Variants in DNAAF5 observed in about 807,000 individuals in gnomAD.
DNAAF5 encodes dynein axonemal assembly factor 5.
A neutral mutation model predicts 75.8 loss-of-function variants in DNAAF5; 64 were observed. The observed-to-expected ratio is 0.84, with a 90% CI of 0.69 to 1.04. The LOEUF (loss-of-function observed/expected upper bound fraction) is 1.04, where lower values mean the gene tolerates loss of function less well. DNAAF5 is among the 50% of genes least tolerant of loss of function. The pLI, the probability that DNAAF5 is intolerant of heterozygous loss-of-function variation, is 0.00. For missense variants in DNAAF5, 1,269 were observed against 1,178.5 expected (o/e 1.08, Z -1.12); for synonymous variants, 657 against 557.2 (o/e 1.18, Z -2.52).
chr7:728,720 C>T (rs144179971), intron 1 of DNAAF5, among the ~76,000 whole-genome samples: 10 of 152,364 alleles, frequency 6.6e-5, no homozygotes, highest in Non-Finnish European at 1.5e-4. Flanking sequence ...TGTGCCCCAG[C>T]CCCAAGCGCA....
rs7780200 is a variant in DNAAF5 at position 754,030 on chromosome 7, G to C, written c.1025-559G>C. ...ATCATAGGGGGACGGCTTCGCAGGC[G>C]TGTCTCTCATCATATGGCGATGGCT... On this transcript the variant is annotated intron_variant, in intron 4 of 12. Coordinates refer to ENST00000297440, the MANE Select transcript of DNAAF5 (RefSeq NM_017802.4). This position sits in a 1 kb window ranked among gnomAD's most constrained non-coding sequence, Gnocchi z 4.8. Among the ~76,000 whole-genome samples the C allele has an allele frequency of 9.0e-5, 13 of 144,856 alleles. 1 individual carries two copies. In the East Asian group the frequency reaches 1.6e-3, roughly 18 times the overall value.
At position 785,911 on chromosome 7, in the gene DNAAF5, G is replaced by C. The variant is rs1041654576; in HGVS notation, c.*258G>C. On this transcript the variant is annotated 3_prime_UTR_variant, in exon 13 of 13. Transcript: ENST00000297440. The stretch of plus-strand genomic sequence containing the variant: ...TTGAAATTAAAAGTAAGTCGCAGCC[G>C]CTCCTCCCGCAGCCACTTCAGCAGC... 2.3e-6 allele frequency: 1 copy of C among 437,132 alleles called. No individual in the cohort carries two copies. Among genetic ancestry groups the C allele is most frequent in the East Asian group, 4.1e-5 (1 of 24,482 alleles). The allele number at this position is 437,132 out of a possible 1,614,324, so 27.1% of individuals were successfully genotyped here.
intron 9 of DNAAF5, 107 bp downstream of exon 9, chr7:770,725 C>A: frequency 9.2e-7 from 1 of 1,081,796 alleles, no homozygotes; most frequent in Non-Finnish European, 1.3e-6. Flanking sequence ...CACCTCCTTC[C>A]CCAACACTGC....
At position 741,331 on chromosome 7, in the gene DNAAF5, G is replaced by C. The variant is rs758104323; in HGVS notation, c.906-16G>C. The C allele has an allele frequency of 6.3e-7, 1 of 1,577,466 alleles. No homozygotes were observed. Among genetic ancestry groups the C allele is most frequent in the Admixed American group, 1.8e-5 (1 of 55,432 alleles). ...GCCCTGCCCTGAGCCACTGTTGTCT[G>C]TCTGTTGTGCCTCAGGCAGCTGGCT... On this transcript the variant is annotated splice_polypyrimidine_tract_variant and intron_variant, in intron 3 of 12. Coordinates refer to ENST00000297440, the MANE Select transcript of DNAAF5 (RefSeq NM_017802.4).
chr7:746,719 C>G (rs1782125276), intron 4 of DNAAF5, among the ~76,000 whole-genome samples: 1 of 152,010 alleles, frequency 6.6e-6, no homozygotes, highest in Admixed American at 6.6e-5. Context: ...TGTGATAGCC[C>G]TTCCCCCGGG....
At chr7:732,217 G>C (rs540834778) in intron 2 of DNAAF5, among the ~76,000 whole-genome samples, 59 of 152,344 alleles carry the variant, frequency 3.9e-4, no homozygotes, top group African/African-American at 1.4e-3. Context: ...TGGAAAGGGG[G>C]TGTCCCAGTG....
At chr7:768,215 G>C (rs1044334950) in intron 8 of DNAAF5, among the ~76,000 whole-genome samples, 2 of 148,684 alleles carry the variant, frequency 1.3e-5, no homozygotes, top group Non-Finnish European at 1.5e-5. Context: ...CTCGCACTGG[G>C]AGGGGAGACA....
intron 8 of DNAAF5, among the ~76,000 whole-genome samples, chr7:768,146 C>T (rs1231929726): frequency 1.1e-5 from 1 of 92,416 alleles, no homozygotes; most frequent in East Asian, 4.6e-4. Flanking sequence ...GCTGCGAGCG[C>T]TCGCGGCTGG....
At position 785,833 on chromosome 7, in the gene DNAAF5, G is replaced by A. The variant is rs1006697215; in HGVS notation, c.*180G>A. 6 of 654,738 alleles carry A rather than the reference G, an allele frequency of 9.2e-6. No homozygotes were observed. The highest frequency in any genetic ancestry group is 1.5e-5 in the Non-Finnish European group (6 of 394,350). The allele number at this position is 654,738 out of a possible 1,614,324, so 40.6% of individuals were successfully genotyped here. A position where few individuals can be genotyped will look rare whatever the true frequency, so the allele number is the denominator to read the frequency against. ...AACAGCCTCTGAGTGGATTCTGCAT[G>A]TTATGTGATTTGTTCTGTTCATCGA... On this transcript the variant is annotated 3_prime_UTR_variant, in exon 13 of 13. Coordinates refer to ENST00000297440, the MANE Select transcript of DNAAF5 (RefSeq NM_017802.4).
chr7:749,720 C>T (rs947584408), intron 4 of DNAAF5, among the ~76,000 whole-genome samples: 1 of 152,118 alleles, frequency 6.6e-6, no homozygotes, highest in Non-Finnish European at 1.5e-5. Flanking sequence ...TTTTTTGAGG[C>T]AGACTTGCTC....
intron 12 of DNAAF5, among the ~76,000 whole-genome samples, chr7:780,672 T>C (rs1778906566): frequency 6.6e-6 from 1 of 152,210 alleles, no homozygotes; most frequent in African/African-American, 2.4e-5. Flanking sequence ...GTGGGACTTC[T>C]TCAATACCAC....
At position 756,120 on chromosome 7, in the gene DNAAF5, G is replaced by A. The variant is rs373601136; in HGVS notation, c.1258-662G>A. ...TGTGTGATCCACTGTGGAATCCCAT[G>A]GTGCAGAGGGGCTGGTGTGTGTGTG... On this transcript the variant is annotated intron_variant, in intron 5 of 12. Coordinates refer to ENST00000297440, the MANE Select transcript of DNAAF5 (RefSeq NM_017802.4). 4.1e-4 allele frequency among the ~76,000 whole-genome samples: 51 copies of A among 123,428 alleles called. 2 individuals carry two copies. The highest frequency in any genetic ancestry group is 1.5e-3 in the African/African-American group (48 of 31,652). 81.0% of individuals were successfully genotyped at this position (123,428 alleles called of 152,430 possible).
At chr7:741,597 G>A (rs905698274) in intron 4 of DNAAF5, 132 bp downstream of exon 4, 39 of 621,114 alleles carry the variant, frequency 6.3e-5, no homozygotes, top group Non-Finnish European at 1.1e-4. Context: ...AGGTGCAGGC[G>A]TCTCCCCACT....
intron 9 of DNAAF5, 104 bp from the exon 10 acceptor site, chr7:773,944 T>C: frequency 3.7e-6 from 5 of 1,367,624 alleles, no homozygotes; most frequent in Non-Finnish European, 5.2e-6. Flanking sequence ...TCGAGTTCGT[T>C]TTCCTGTTTG....
In DNAAF5 at chr7:774,963, C is replaced by T. The variant is rs775665126; in HGVS notation, c.2083-43C>T. 5 of 1,606,072 alleles carry T rather than the reference C, an allele frequency of 3.1e-6. No individual in the cohort carries two copies. In the East Asian group the frequency reaches 8.9e-5, roughly 29 times the overall value. ...GATGGTGAGCACCCCCACCCCACCC[C>T]AGGACAGATGTGAGTCACGTCGTAT... On this transcript the variant is annotated intron_variant, in intron 10 of 12. Coordinates refer to ENST00000297440, the MANE Select transcript of DNAAF5 (RefSeq NM_017802.4).
At position 754,048 on chromosome 7, in the gene DNAAF5, C is replaced by T. The variant is rs866923634; in HGVS notation, c.1025-541C>T. 3.6e-4 allele frequency among the ~76,000 whole-genome samples: 50 copies of T among 138,526 alleles called. No individual in the cohort carries two copies. Among genetic ancestry groups the T allele is most frequent in the Admixed American group, 7.3e-4 (10 of 13,750 alleles). 90.9% of individuals were successfully genotyped at this position (138,526 alleles called of 152,430 possible). A position where few individuals can be genotyped will look rare whatever the true frequency, so the allele number is the denominator to read the frequency against. ...CGCAGGCGTGTCTCTCATCATATGG[C>T]GATGGCTTCGCAGGCGTGTGTCTCT... On this transcript the variant is annotated intron_variant, in intron 4 of 12. Coordinates refer to ENST00000297440, the MANE Select transcript of DNAAF5 (RefSeq NM_017802.4). The surrounding 1 kb of genome is among the most constrained non-coding windows in gnomAD (Gnocchi z 4.8).
intron 8 of DNAAF5, among the ~76,000 whole-genome samples, chr7:764,193 G>A (rs1223244903): frequency 3.3e-5 from 5 of 152,206 alleles, no homozygotes; most frequent in East Asian, 1.9e-4. Flanking sequence ...CACTTGGCCC[G>A]GGCACACGCT....
At chr7:772,176 C>T (rs942965043) in intron 9 of DNAAF5, 7 of 152,320 alleles carry the variant, frequency 4.6e-5, no homozygotes, top group African/African-American at 1.2e-4. Context: ...CCACCTTGGA[C>T]ACCATGAATC....
chr7:754,809 C>T lies in DNAAF5; in HGVS notation c.1245C>T (p.Ala415=), dbSNP rs146922072. Residue 415 remains alanine, a synonymous_variant, in exon 5 of 13, where the codon GCC becomes GCT. Transcript: ENST00000297440. This position sits in a 1 kb window ranked among gnomAD's most constrained non-coding sequence, Gnocchi z 4.8. ...LFQACTDEEA[A]VVQSCTRSAE... is the part of the protein sequence containing the mutation. ...AGGCCTGCACCGACGAGGAGGCAGC[C>T]GTGGTCCAAAGTGTAAGTGGCCGTA... is the stretch of plus-strand genomic sequence containing the variant. The T allele has an allele frequency of 1.5e-3, 2,364 of 1,604,072 alleles. 37 individuals are homozygous for T. The highest frequency in any genetic ancestry group is 2.2e-3 in the Admixed American group (129 of 59,590).
Sources: allele counts gnomAD v4.1 joint callset (sites outside exome capture counted in the v4.1 genomes callset), GRCh38; gene constraint gnomAD v4.1.1; non-coding constraint Gnocchi (gnomAD v3.1); transcripts MANE v1.5; gene names NCBI Gene and HGNC (gene_info 2026-07-23, HGNC 2026-07-21).